The following ACOXL variants were observed in gnomAD, a reference collection of about 807,000 sequenced individuals.
The protein encoded by ACOXL is acyl-coenzyme A oxidase-like protein.
In ACOXL, 70 loss-of-function variants were observed where a neutral mutation model predicts 71.9. That is an observed-to-expected ratio of 0.97 (90% confidence interval 0.80 to 1.19). The LOEUF (loss-of-function observed/expected upper bound fraction) is 1.19, where lower values mean the gene tolerates loss of function less well. ACOXL is among the 50% of genes most tolerant of loss of function. ACOXL has a pLI of 0.00. For missense variants in ACOXL, 703 were observed against 736.3 expected (o/e 0.95, Z 0.52); for synonymous variants, 253 against 281.6 (o/e 0.90, Z 1.02).
chr2:110,933,469 A>G lies in ACOXL; in HGVS notation c.906-20A>G, dbSNP rs1239149312. The G allele has an allele frequency of 2.4e-5, 39 of 1,607,962 alleles. No individual in the cohort carries two copies. Among genetic ancestry groups the G allele is most frequent in the Non-Finnish European group, 3.1e-5 (37 of 1,176,050 alleles). On this transcript the variant is annotated intron_variant, in intron 11 of 17. Coordinates refer to ENST00000439055, the MANE Select transcript of ACOXL (RefSeq NM_001142807.4). ...GACTGCACCGCCACTTCCATCACAC[A>G]TGTCTGCTTTGTCCTGCAGGTATGC... is the stretch of plus-strand genomic sequence containing the variant.
intron 11 of ACOXL, among the ~76,000 whole-genome samples, chr2:110,922,037 A>G (rs936563866): frequency 1.3e-5 from 2 of 152,210 alleles, no homozygotes; most frequent in Non-Finnish European, 2.9e-5. Context: ...ATAAATGTCA[A>G]TTAGGTCAAG....
At chr2:110,837,680 A>T (rs568627947) in intron 9 of ACOXL, among the ~76,000 whole-genome samples, 1 of 152,094 alleles carries the variant, frequency 6.6e-6, no homozygotes, top group African/African-American at 2.4e-5. Context: ...AGCTGTTCCA[A>T]AAAAGGAGCA....
At chr2:110,830,661 G>A (rs925855780) in intron 9 of ACOXL, among the ~76,000 whole-genome samples, 1 of 151,970 alleles carries the variant, frequency 6.6e-6, no homozygotes, top group African/African-American at 2.4e-5. Context: ...AGCCTCCCGA[G>A]TAGCTGGGAC....
At chr2:111,023,751 T>TGAAGCTGTCACAGCTGGG (rs1359874557) in intron 14 of ACOXL, among the ~76,000 whole-genome samples, 5 of 151,872 alleles carry the variant, frequency 3.3e-5, no homozygotes, top group Non-Finnish European at 5.9e-5. Flanking sequence ...ACAGGGAAAT[T>TGAAGCTGTCACAGCTGGG]GAAGCTGTCA....
At chr2:111,066,959 C>T (rs72946285) in intron 16 of ACOXL, among the ~76,000 whole-genome samples, 1,894 of 152,286 alleles carry the variant, frequency 0.012, 41 homozygotes, top group African/African-American at 0.043. Context: ...TTTAACTCAT[C>T]TCTTACCAAG....
chr2:111,066,522 GT>G lies in ACOXL; in HGVS notation c.1440+17236del, dbSNP rs559200699. 9.3e-4 allele frequency among the ~76,000 whole-genome samples: 141 copies of G among 152,180 alleles called. 1 individual carries two copies. The highest frequency in any genetic ancestry group is 3.0e-3 in the African/African-American group (126 of 41,510). Reference sequence around the variant, plus strand: ...ATGTTGTACTATAGTTTTTTAAGATGTTACCATTGGGCGAAACTGGGTAAAA... The same window carrying G: ...ATGTTGTACTATAGTTTTTTAAGATGTACCATTGGGCGAAACTGGGTAAAA... On this transcript the variant is annotated intron_variant, in intron 16 of 17. Coordinates refer to ENST00000439055, the MANE Select transcript of ACOXL (RefSeq NM_001142807.4).
At chr2:110,754,890 CA>C (rs1159811230) in intron 1 of ACOXL, among the ~76,000 whole-genome samples, 1 of 152,190 alleles carries the variant, frequency 6.6e-6, no homozygotes, top group East Asian at 1.9e-4. Context: ...TGTTTAACTT[CA>C]TAACAAACTG....
chr2:111,096,477 G>A (rs774798306), intron 17 of ACOXL, among the ~76,000 whole-genome samples: 2 of 151,966 alleles, frequency 1.3e-5, no homozygotes, highest in Non-Finnish European at 2.9e-5. Context: ...TCCTGACCTC[G>A]TGATCTGCCC....
At chr2:110,861,657 A>T (rs1170083049) in intron 10 of ACOXL, among the ~76,000 whole-genome samples, 1 of 152,212 alleles carries the variant, frequency 6.6e-6, no homozygotes, top group East Asian at 1.9e-4. Flanking sequence ...TTCTGCTCCT[A>T]CAAAGATGGA....
chr2:110,907,804 A>G (rs1269605302), intron 10 of ACOXL, among the ~76,000 whole-genome samples: 1 of 152,236 alleles, frequency 6.6e-6, no homozygotes, highest in Non-Finnish European at 1.5e-5. Context: ...AATAAACACA[A>G]TATTTAAGTA....
intron 9 of ACOXL, among the ~76,000 whole-genome samples, chr2:110,839,731 G>T (rs1046211771): frequency 2.0e-5 from 3 of 152,074 alleles, no homozygotes; most frequent in African/African-American, 7.2e-5. Context: ...CTGGGCAGTG[G>T]CGTTGGACTT....
chr2:110,873,584 G>A (rs891204786), intron 10 of ACOXL, among the ~76,000 whole-genome samples: 1 of 152,172 alleles, frequency 6.6e-6, no homozygotes, highest in African/African-American at 2.4e-5. Flanking sequence ...GCTGCAATTT[G>A]CCCCAGGTGC....
chr2:110,917,944 TA>T (rs1472173591), intron 11 of ACOXL, among the ~76,000 whole-genome samples: 1 of 152,188 alleles, frequency 6.6e-6, no homozygotes, highest in African/African-American at 2.4e-5. Context: ...TGCTTATGTA[TA>T]GGAAGAATCA....
intron 13 of ACOXL, among the ~76,000 whole-genome samples, chr2:110,991,294 C>T (rs760575377): frequency 6.6e-6 from 1 of 152,006 alleles, no homozygotes; most frequent in East Asian, 1.9e-4. Context: ...ATGCTTTCTC[C>T]TTTCTTTGTT....
At chr2:110,748,123 C>T (rs1389150135) in intron 1 of ACOXL, among the ~76,000 whole-genome samples, 1 of 152,176 alleles carries the variant, frequency 6.6e-6, no homozygotes. Flanking sequence ...AAAAATTTCT[C>T]TCCCTGTCTT....
At chr2:110,807,919 C>T (rs565385789) in intron 9 of ACOXL, among the ~76,000 whole-genome samples, 1 of 152,232 alleles carries the variant, frequency 6.6e-6, no homozygotes, top group Non-Finnish European at 1.5e-5. Flanking sequence ...GACATTCACT[C>T]AAGGCTGAGC....
At chr2:111,093,274 C>T (rs944984763) in intron 17 of ACOXL, among the ~76,000 whole-genome samples, 5 of 150,144 alleles carry the variant, frequency 3.3e-5, no homozygotes, top group South Asian at 2.1e-4. Context: ...TGCTTCTTAC[C>T]AAAGCCTATT....
In ACOXL at chr2:110,916,319, A is replaced by G. The variant is rs367966955; in HGVS notation, c.905+7414A>G. 5.3e-5 allele frequency among the ~76,000 whole-genome samples: 8 copies of G among 152,188 alleles called. No homozygotes were observed. The East Asian group carries it at 1.4e-3, about 26-fold the overall frequency. On this transcript the variant is annotated intron_variant, in intron 11 of 17. Transcript: ENST00000439055. ...TCTTTTCAAATAACCTGCTGGGTAA[A>G]TAATGAAATTAAGGCAGAAATAAAT...
chr2:110,893,819 A>G (rs1010430560), intron 10 of ACOXL, among the ~76,000 whole-genome samples: 3 of 152,148 alleles, frequency 2.0e-5, no homozygotes, highest in Admixed American at 6.5e-5. Flanking sequence ...TTTGACATTG[A>G]GATGTCTGTA....
Sources: allele counts gnomAD v4.1 joint callset (sites outside exome capture counted in the v4.1 genomes callset), GRCh38; gene constraint gnomAD v4.1.1; transcripts MANE v1.5; gene names NCBI Gene and HGNC (gene_info 2026-07-23, HGNC 2026-07-21).